The following STPG2 variants were observed in gnomAD, a reference collection of about 807,000 sequenced individuals.
STPG2 encodes the protein sperm-tail PG-rich repeat-containing protein 2.
A neutral mutation model predicts 54.2 loss-of-function variants in STPG2; 56 were observed. The observed-to-expected ratio is 1.03, with a 90% CI of 0.83 to 1.29. The LOEUF (loss-of-function observed/expected upper bound fraction) is 1.29. STPG2 is among the 50% of genes most tolerant of loss of function. The pLI, the probability that STPG2 is intolerant of heterozygous loss-of-function variation, is 0.00. For missense variants in STPG2, 596 were observed against 544.9 expected (o/e 1.09, Z -0.93); for synonymous variants, 200 against 181.8 (o/e 1.10, Z -0.81).
chr4:97,540,336 A>G (rs1364277381), intron 4 of STPG2, among the ~76,000 whole-genome samples: 1 of 152,200 alleles, frequency 6.6e-6, no homozygotes, highest in Non-Finnish European at 1.5e-5. Context: ...ATCAGAGAAT[A>G]CTATAAACAC....
intron 9 of STPG2, among the ~76,000 whole-genome samples, chr4:97,736,872 G>T (rs904922211): frequency 6.6e-6 from 1 of 152,020 alleles, no homozygotes; most frequent in East Asian, 1.9e-4. Context: ...CTCCCAGCAC[G>T]CAGATGGAGA....
intron 5 of STPG2, among the ~76,000 whole-genome samples, chr4:98,009,920 G>A (rs1320738474): frequency 6.6e-6 from 1 of 151,868 alleles, no homozygotes; most frequent in African/African-American, 2.4e-5. Flanking sequence ...AACCTCTAAT[G>A]ATTCTTTGGA....
At chr4:97,586,922 T>C (rs910541139) in intron 10 of STPG2, among the ~76,000 whole-genome samples, 3 of 151,932 alleles carry the variant, frequency 2.0e-5, no homozygotes, top group African/African-American at 7.2e-5. Flanking sequence ...CTCAATAGAC[T>C]TTCCTTTTTC....
At chr4:97,556,774 C>T (rs1041066607), downstream of STPG2, among the ~76,000 whole-genome samples, 18 of 152,080 alleles carry the variant, frequency 1.2e-4, no homozygotes, top group African/African-American at 4.1e-4. Flanking sequence ...AAAAGTCTCT[C>T]CTTGTCTTTA....
intron 10 of STPG2, among the ~76,000 whole-genome samples, chr4:97,602,649 G>A (rs1294444006): frequency 6.6e-6 from 1 of 151,590 alleles, no homozygotes; most frequent in East Asian, 1.9e-4. Context: ...TGAGTTTTAT[G>A]GGACACTTTT....
intron 9 of STPG2, among the ~76,000 whole-genome samples, chr4:97,769,771 C>T (rs1320584682): frequency 6.6e-5 from 10 of 151,960 alleles, no homozygotes; most frequent in South Asian, 2.1e-4. Flanking sequence ...TTTATGAATA[C>T]GTACATATTT....
intron 4 of STPG2, among the ~76,000 whole-genome samples, chr4:97,535,244 C>T (rs949227189): frequency 3.3e-5 from 5 of 152,188 alleles, no homozygotes; most frequent in Non-Finnish European, 5.9e-5. Flanking sequence ...TAAATTCCCA[C>T]TAAAAATTTA....
intron 10 of STPG2, among the ~76,000 whole-genome samples, chr4:97,599,172 G>C (rs905419638): frequency 5.9e-5 from 9 of 152,116 alleles, no homozygotes; most frequent in African/African-American, 1.7e-4. Flanking sequence ...AGCACTGATC[G>C]TTAGAGAAAT....
chr4:97,864,568 T>A (rs886201866), intron 8 of STPG2, among the ~76,000 whole-genome samples: 58 of 152,264 alleles, frequency 3.8e-4, no homozygotes, highest in African/African-American at 1.1e-3. Flanking sequence ...AATGACTTTC[T>A]TCACAGAATT....
chr4:97,807,082 A>G (rs189581309), intron 9 of STPG2, among the ~76,000 whole-genome samples: 262 of 151,752 alleles, frequency 1.7e-3, no homozygotes, highest in African/African-American at 6.0e-3. Context: ...TTTGTTTCCA[A>G]TGTTTTTCTA....
At chr4:98,072,613 T>TAAAATAAAAGAAAACAAAAG (rs1553939187) in intron 5 of STPG2, among the ~76,000 whole-genome samples, 1 of 135,204 alleles carries the variant, frequency 7.4e-6, no homozygotes, top group South Asian at 2.4e-4. Context: ...TAAAATAAAA[T>TAAAATAAAAGAAAACAAAAG]AAAACAAAAC....
intron 3 of STPG2, 98 bp from the exon 4 acceptor site, chr4:98,109,403 G>A: frequency 9.4e-6 from 8 of 849,892 alleles, no homozygotes. Flanking sequence ...CTAAAGCAAG[G>A]ATAGCCTCAG....
chr4:97,789,795 A>G (rs1726935661), intron 9 of STPG2, among the ~76,000 whole-genome samples: 2 of 152,158 alleles, frequency 1.3e-5, no homozygotes, highest in South Asian at 2.1e-4. Context: ...ACGTCAGCCA[A>G]CTTACTGTAC....
At chr4:97,570,469 T>G (rs994915577) in intron 10 of STPG2, among the ~76,000 whole-genome samples, 1 of 152,032 alleles carries the variant, frequency 6.6e-6, no homozygotes, top group African/African-American at 2.4e-5. Context: ...CGTCCTCAAT[T>G]TGCCTAAAAG....
At chr4:97,723,330 G>T (rs376496356) in intron 9 of STPG2, among the ~76,000 whole-genome samples, 49 of 151,920 alleles carry the variant, frequency 3.2e-4, no homozygotes, top group Admixed American at 3.1e-3. Context: ...ACTCCAAAAG[G>T]GGGGAGGGAG....
intron 5 of STPG2, among the ~76,000 whole-genome samples, chr4:98,081,915 A>G (rs930047418): frequency 2.6e-5 from 4 of 152,238 alleles, no homozygotes; most frequent in African/African-American, 9.6e-5. Flanking sequence ...CATGACAAAT[A>G]GTTTAGTTCA....
At chr4:97,840,998 G>C in intron 8 of STPG2, 66 bp from the exon 9 acceptor site, 1 of 1,486,568 alleles carries the variant, frequency 6.7e-7, no homozygotes, top group Non-Finnish European at 9.1e-7. Flanking sequence ...GAAGATACCA[G>C]ATGGATGGTT....
chr4:97,498,549 A>T (rs941655438), intron 4 of STPG2, among the ~76,000 whole-genome samples: 8 of 151,918 alleles, frequency 5.3e-5, no homozygotes, highest in African/African-American at 1.9e-4. Context: ...ATGATTATAC[A>T]GTTTAGGCAA....
rs114023409 is a variant in STPG2, at chr4:97,778,071, A to G, written c.1204+62702T>C. ...GGGTTCGTCAGACAGTGGGGACAGG[A>G]CAGTGGGTGCAGCCCACCGAGCATA... On this transcript the variant is annotated intron_variant, in intron 9 of 10. Transcript: ENST00000295268. 2.8e-3 allele frequency among the ~76,000 whole-genome samples: 427 copies of G among 152,182 alleles called. 3 individuals are homozygous for G. The highest frequency in any genetic ancestry group is 9.4e-3 in the African/African-American group (391 of 41,530).
Sources: gnomAD v4.1 joint callset for allele counts (sites outside exome capture counted in the v4.1 genomes callset) on GRCh38, gnomAD v4.1.1 for gene constraint, MANE v1.5 for transcripts, NCBI Gene and HGNC (gene_info 2026-07-23, HGNC 2026-07-21) for gene names.